ENOX1: variants seen among roughly 807,000 people sequenced by gnomAD.
The protein encoded by ENOX1 is candidate growth-related and time keeping constitutive hydroquinone (NADH) oxidase.
In ENOX1, 42 loss-of-function variants were observed where a neutral mutation model predicts 82.5. That is an observed-to-expected ratio of 0.51 (90% CI 0.40 to 0.66). The LOEUF (loss-of-function observed/expected upper bound fraction) is 0.66. Among genes scored for constraint, ENOX1 ranks in the 30% least tolerant of loss-of-function variants. The pLI is 0.00. For missense variants in ENOX1, 608 were observed against 811.6 expected (o/e 0.75, Z 3.05); for synonymous variants, 271 against 282.2 (o/e 0.96, Z 0.40).
intron 2 of ENOX1, among the ~76,000 whole-genome samples, chr13:43,525,015 C>T (rs1341136465): frequency 6.6e-6 from 1 of 152,098 alleles, no homozygotes; most frequent in African/African-American, 2.4e-5. Flanking sequence ...AAACAAAAAT[C>T]TAACTCATCT....
intron 2 of ENOX1, among the ~76,000 whole-genome samples, chr13:43,551,079 A>G (rs917212691): frequency 5.9e-5 from 9 of 152,204 alleles, no homozygotes; most frequent in Admixed American, 3.3e-4. Context: ...ACTCTTAAAA[A>G]GATACACAAT....
At chr13:43,655,371 G>C (rs2153780352) in intron 2 of ENOX1, among the ~76,000 whole-genome samples, 1 of 152,094 alleles carries the variant, frequency 6.6e-6, no homozygotes, top group South Asian at 2.1e-4. Context: ...TTTTTGGACT[G>C]TTAAATATGG....
chr13:43,521,298 T>C (rs1204712550), intron 2 of ENOX1, among the ~76,000 whole-genome samples: 2 of 152,156 alleles, frequency 1.3e-5, no homozygotes, highest in Non-Finnish European at 1.5e-5. Flanking sequence ...ACCAATGAGA[T>C]AGCCACCATA....
rs553504525 is a variant in ENOX1 at position 43,541,173 on chromosome 13, G to GTTTTTTTTTTTTTTTTTTTTTTTTTTTT, written c.-218-57022_-218-57021insAAAAAAAAAAAAAAAAAAAAAAAAAAAA. Among the ~76,000 whole-genome samples, 19 of 64,582 alleles carry GTTTTTTTTTTTTTTTTTTTTTTTTTTTT rather than the reference G, an allele frequency of 2.9e-4. 6 individuals are homozygous for GTTTTTTTTTTTTTTTTTTTTTTTTTTTT. The highest frequency in any genetic ancestry group is 1.4e-3 in the South Asian group (1 of 738). The allele number at this position is 64,582 out of a possible 152,430, so 42.4% of individuals were successfully genotyped here. ...CTCCAACCTTACACTTCTTCCCTCT[G>GTTTTTTTTTTTTTTTTTTTTTTTTTTTT]TTTTTTTTTTTTTTTTTTTTTTTTT... On this transcript the variant is annotated intron_variant, in intron 2 of 16. Coordinates refer to ENST00000690772, the MANE Select transcript of ENOX1 (RefSeq NM_001347969.2).
chr13:43,496,646 T>A (rs1174155518), intron 2 of ENOX1, among the ~76,000 whole-genome samples: 7 of 152,218 alleles, frequency 4.6e-5, no homozygotes, highest in Non-Finnish European at 8.8e-5. Flanking sequence ...CCTCCCACAG[T>A]GTTGGGATTA....
At chr13:43,588,326 A>G (rs755321948) in intron 2 of ENOX1, among the ~76,000 whole-genome samples, 10 of 152,208 alleles carry the variant, frequency 6.6e-5, no homozygotes, top group Admixed American at 1.3e-4. Context: ...AGTGCATTCA[A>G]TCACTATAAG....
chr13:43,305,362 T>A (rs2046800102), intron 11 of ENOX1, among the ~76,000 whole-genome samples: 1 of 152,230 alleles, frequency 6.6e-6, no homozygotes, highest in Admixed American at 6.5e-5. Flanking sequence ...TAACATTTCA[T>A]ATGTGCAGTG....
At chr13:43,573,001 A>ATT (rs779858462) in intron 2 of ENOX1, among the ~76,000 whole-genome samples, 4 of 152,172 alleles carry the variant, frequency 2.6e-5, no homozygotes, top group Admixed American at 6.5e-5. Flanking sequence ...TTCTCTTTAA[A>ATT]TTTTTAGAGG....
intron 5 of ENOX1, among the ~76,000 whole-genome samples, chr13:43,369,143 T>A (rs1437929135): frequency 6.6e-6 from 1 of 152,186 alleles, no homozygotes; most frequent in Non-Finnish European, 1.5e-5. Flanking sequence ...TGGGTTCCTG[T>A]AACAAGTCTG....
At chr13:43,708,585 T>G (rs540133779) in intron 1 of ENOX1, among the ~76,000 whole-genome samples, 37 of 152,230 alleles carry the variant, frequency 2.4e-4, no homozygotes, top group Non-Finnish European at 4.4e-4. Flanking sequence ...CAGACCCATA[T>G]GGATTTGGTG....
chr13:43,294,680 T>A (rs2046192898), intron 12 of ENOX1, among the ~76,000 whole-genome samples: 1 of 152,230 alleles, frequency 6.6e-6, no homozygotes, highest in African/African-American at 2.4e-5. Context: ...TGTAAGTGAA[T>A]GTTTATAGCA....
intron 2 of ENOX1, among the ~76,000 whole-genome samples, chr13:43,607,787 T>G (rs1272372882): frequency 6.6e-6 from 1 of 152,202 alleles, no homozygotes; most frequent in Non-Finnish European, 1.5e-5. Flanking sequence ...ATGATGCTGA[T>G]TCTCTTGAAG....
At chr13:43,408,892 A>G (rs992189503) in intron 5 of ENOX1, among the ~76,000 whole-genome samples, 1 of 152,184 alleles carries the variant, frequency 6.6e-6, no homozygotes, top group Non-Finnish European at 1.5e-5. Flanking sequence ...GCATTTAGAA[A>G]TGGAATAAAG....
Position 43,562,264 on chromosome 13 carries a change from ACTCTT to A in ENOX1, c.-218-78117_-218-78113del, listed in dbSNP as rs1311262879. On this transcript the variant is annotated intron_variant, in intron 2 of 16. Coordinates refer to ENST00000690772, the MANE Select transcript of ENOX1 (RefSeq NM_001347969.2). ...AGTTTAAAGTGTAGAGTTTTTTAAT[ACTCTT>A]CTCTTTATTAGTTTGTTTATGCAAT... is the stretch of plus-strand genomic sequence containing the variant. Among the ~76,000 whole-genome samples the A allele has an allele frequency of 3.7e-4, 56 of 152,178 alleles. 1 individual carries two copies. The East Asian group carries it at 5.4e-3, about 15-fold the overall frequency.
At chr13:43,537,453 G>A (rs899210545) in intron 2 of ENOX1, among the ~76,000 whole-genome samples, 1 of 152,194 alleles carries the variant, frequency 6.6e-6, no homozygotes, top group African/African-American at 2.4e-5. Context: ...ATCTGAGTGA[G>A]CAAGCTGAAG....
chr13:43,486,044 A>T (rs546807410), intron 2 of ENOX1, among the ~76,000 whole-genome samples: 151 of 152,312 alleles, frequency 9.9e-4, no homozygotes, highest in Admixed American at 4.6e-3. Context: ...GCCCGTCTCT[A>T]CTAAAAACAC....
intron 1 of ENOX1, among the ~76,000 whole-genome samples, chr13:43,746,364 C>T (rs1365913853): frequency 6.6e-6 from 1 of 151,874 alleles, no homozygotes; most frequent in Non-Finnish European, 1.5e-5. Context: ...TAAAAAATAA[C>T]TGTCATGTTA....
intron 6 of ENOX1, 126 bp downstream of exon 6, chr13:43,361,153 G>T: frequency 1.0e-6 from 1 of 969,714 alleles, no homozygotes; most frequent in Non-Finnish European, 1.5e-6. Context: ...AAGGCCTTCT[G>T]TAGAACGGAT....
At chr13:43,313,879 C>A (rs2047342610) in intron 11 of ENOX1, among the ~76,000 whole-genome samples, 1 of 152,114 alleles carries the variant, frequency 6.6e-6, no homozygotes, top group Admixed American at 6.5e-5. Context: ...TAAATTAATT[C>A]TGAGAACTGA....
Sources: gnomAD v4.1 joint callset for allele counts (sites outside exome capture counted in the v4.1 genomes callset) on GRCh38, gnomAD v4.1.1 for gene constraint, MANE v1.5 for transcripts, NCBI Gene and HGNC (gene_info 2026-07-23, HGNC 2026-07-21) for gene names.